Variants in PLA2G4A observed in about 807,000 individuals in gnomAD.
PLA2G4A encodes phospholipase A2 group IVA.
In PLA2G4A, 40 loss-of-function variants were observed where a neutral mutation model predicts 81.9. That is an observed-to-expected ratio of 0.49 (90% CI 0.38 to 0.64). The LOEUF is 0.64. Among genes scored for constraint, PLA2G4A ranks in the 30% least tolerant of loss-of-function variants. The probability of loss-of-function intolerance (pLI) is 0.00; values close to 1 mark genes in which losing one functional copy is unlikely to be tolerated. For synonymous variants in PLA2G4A, 302 were observed against 296.9 expected (o/e 1.02, Z -0.18); for missense variants, 715 against 905.1 (o/e 0.79, Z 2.69).
intron 3 of PLA2G4A, among the ~76,000 whole-genome samples, chr1:186,883,722 C>A (rs1653826452): frequency 6.6e-6 from 1 of 152,074 alleles, no homozygotes; most frequent in Non-Finnish European, 1.5e-5. Flanking sequence ...ATATATTAGA[C>A]ACAAAAGAAA....
At chr1:186,841,957 T>C (rs1651997523) in intron 1 of PLA2G4A, among the ~76,000 whole-genome samples, 2 of 152,002 alleles carry the variant, frequency 1.3e-5, no homozygotes, top group African/African-American at 4.8e-5. Flanking sequence ...TTTTAAATAA[T>C]CAGATGAGGG....
chr1:186,960,478 T>C (rs1171125594), intron 14 of PLA2G4A, among the ~76,000 whole-genome samples: 1 of 152,218 alleles, frequency 6.6e-6, no homozygotes, highest in Non-Finnish European at 1.5e-5. Flanking sequence ...TGTAGGAGGA[T>C]ATTCTTCCAT....
intron 1 of PLA2G4A, among the ~76,000 whole-genome samples, chr1:186,838,280 GT>G (rs1442679965): frequency 6.6e-6 from 1 of 152,078 alleles, no homozygotes; most frequent in Non-Finnish European, 1.5e-5. Context: ...TAGAGTGGGA[GT>G]TTTTAAAGAC....
At chr1:186,931,037 A>G (rs977081799) in intron 7 of PLA2G4A, among the ~76,000 whole-genome samples, 1 of 152,080 alleles carries the variant, frequency 6.6e-6, no homozygotes, top group Admixed American at 6.6e-5. Flanking sequence ...CTTCCTTACA[A>G]CTACTGCTGC....
At position 186,946,331 on chromosome 1, in the gene PLA2G4A, T is replaced by G. The variant is rs12720618; in HGVS notation, c.1034-306T>G. ...ATCTAGTTAGCAGTTTTCAGTTTCC[T>G]GTTCTGTAGAATGAAAACTGGCTTC... On this transcript the variant is annotated intron_variant, in intron 10 of 17. Transcript: ENST00000367466. 3.9e-3 allele frequency among the ~76,000 whole-genome samples: 591 copies of G among 152,272 alleles called. 2 individuals carry two copies. Among genetic ancestry groups the G allele is most frequent in the African/African-American group, 0.014 (573 of 41,572 alleles).
intron 2 of PLA2G4A, among the ~76,000 whole-genome samples, chr1:186,858,828 A>T (rs1652688856): frequency 6.6e-6 from 1 of 152,016 alleles, no homozygotes; most frequent in Admixed American, 6.6e-5. Context: ...TAGCCCTTTT[A>T]AATGAAGAGA....
chr1:186,932,294 C>CTTTTTTTTTTTTTT (rs67757094), intron 7 of PLA2G4A, among the ~76,000 whole-genome samples: 1 of 138,560 alleles, frequency 7.2e-6, no homozygotes, highest in Non-Finnish European at 1.6e-5. Context: ...TTTTCTTTTT[C>CTTTTTTTTTTTTTT]TTTTTTTTTT....
At chr1:186,915,528 C>T (rs559566576) in intron 7 of PLA2G4A, among the ~76,000 whole-genome samples, 19 of 152,264 alleles carry the variant, frequency 1.2e-4, no homozygotes, top group African/African-American at 4.3e-4. Flanking sequence ...CTTCTCTTTT[C>T]ACGGAAAGCA....
chr1:186,956,834 A>C (rs144408071), intron 14 of PLA2G4A, among the ~76,000 whole-genome samples: 1 of 152,000 alleles, frequency 6.6e-6, no homozygotes, highest in East Asian at 1.9e-4. Context: ...TTTAAAGAAA[A>C]ATTTACATTG....
chr1:186,859,383 T>C (rs575323387), intron 2 of PLA2G4A, among the ~76,000 whole-genome samples: 66 of 152,274 alleles, frequency 4.3e-4, no homozygotes, highest in Non-Finnish European at 7.2e-4. Flanking sequence ...AAGTTTTTTA[T>C]TTTTTTGACC....
intron 2 of PLA2G4A, among the ~76,000 whole-genome samples, chr1:186,865,125 A>G (rs1428123541): frequency 6.7e-6 from 1 of 149,568 alleles, no homozygotes; most frequent in Non-Finnish European, 1.5e-5. Context: ...TATATTGCCA[A>G]ACTTAATGTA....
At chr1:186,845,799 A>G (rs1056845959) in intron 1 of PLA2G4A, among the ~76,000 whole-genome samples, 4 of 152,320 alleles carry the variant, frequency 2.6e-5, no homozygotes, top group Non-Finnish European at 2.9e-5. Flanking sequence ...GAAAGACCAC[A>G]TACTATTAAA....
intron 14 of PLA2G4A, among the ~76,000 whole-genome samples, chr1:186,957,730 C>T (rs914961555): frequency 1.2e-4 from 18 of 152,196 alleles, no homozygotes; most frequent in Admixed American, 1.0e-3. Context: ...TGTCACTTAG[C>T]CAGATCCTCA....
chr1:186,947,249 G>A (rs1235977800), intron 12 of PLA2G4A, among the ~76,000 whole-genome samples: 1 of 151,918 alleles, frequency 6.6e-6, no homozygotes, highest in Non-Finnish European at 1.5e-5. Flanking sequence ...CATACTATTT[G>A]TATTAGAAAG....
chr1:186,924,247 T>C (rs1263699047), intron 7 of PLA2G4A, among the ~76,000 whole-genome samples: 1 of 152,180 alleles, frequency 6.6e-6, no homozygotes, highest in East Asian at 1.9e-4. Context: ...GGATTCTGTA[T>C]TCTCTCCTCC....
intron 7 of PLA2G4A, among the ~76,000 whole-genome samples, chr1:186,925,143 C>T (rs527897078): frequency 2.0e-5 from 3 of 152,286 alleles, no homozygotes; most frequent in African/African-American, 7.2e-5. Flanking sequence ...CAACTTAGAA[C>T]CTCTCTTCTG....
At position 186,965,031 on chromosome 1, in the gene PLA2G4A, T is replaced by C. The variant is rs190396816; in HGVS notation, c.1580-378T>C. 1.4e-3 allele frequency among the ~76,000 whole-genome samples: 207 copies of C among 152,340 alleles called. 1 individual carries two copies. The highest frequency in any genetic ancestry group is 2.1e-3 in the Non-Finnish European group (145 of 68,016). On this transcript the variant is annotated intron_variant, in intron 14 of 17. Transcript: ENST00000367466. Reference sequence around the variant, plus strand: ...TGCCTCACCTGTCTGTTATAAGAATTAAACAAGATTATGCATGAGGAAATG... The same window carrying C: ...TGCCTCACCTGTCTGTTATAAGAATCAAACAAGATTATGCATGAGGAAATG...
chr1:186,906,748 C>G (rs1340301864), intron 5 of PLA2G4A, among the ~76,000 whole-genome samples: 1 of 152,088 alleles, frequency 6.6e-6, no homozygotes, highest in African/African-American at 2.4e-5. Flanking sequence ...GCTAAAATGA[C>G]GTACTAAGTA....
chr1:186,870,274 T>A (rs1653209124), intron 2 of PLA2G4A, among the ~76,000 whole-genome samples, 161 bp from the exon 3 acceptor site: 1 of 152,184 alleles, frequency 6.6e-6, no homozygotes, highest in African/African-American at 2.4e-5. Flanking sequence ...GATTCTGTGA[T>A]GAGAGAGAAG....
Sources: allele counts gnomAD v4.1 joint callset (sites outside exome capture counted in the v4.1 genomes callset), GRCh38; gene constraint gnomAD v4.1.1; transcripts MANE v1.5; gene names NCBI Gene and HGNC (gene_info 2026-07-23, HGNC 2026-07-21).